ZSWIM6: variants seen among roughly 807,000 people sequenced by gnomAD.
The protein encoded by ZSWIM6 is zinc finger SWIM-type containing 6.
Under a neutral mutation model 113.2 loss-of-function variants are expected in ZSWIM6, and 9 were observed. The observed-to-expected ratio is 0.08, with a 90% CI of 0.05 to 0.14. ZSWIM6 has a LOEUF of 0.14. Ranked by LOEUF, ZSWIM6 falls within the 10% of genes least tolerant of loss-of-function variation. The probability of loss-of-function intolerance (pLI) is 1.00; values close to 1 mark genes in which losing one functional copy is unlikely to be tolerated. For missense variants in ZSWIM6, 1,162 were observed against 1,552.2 expected (o/e 0.75, Z 4.22); for synonymous variants, 611 against 606.5 (o/e 1.01, Z -0.11).
chr5:61,379,693 G>A (rs967413946), intron 1 of ZSWIM6, among the ~76,000 whole-genome samples: 22 of 152,240 alleles, frequency 1.4e-4, no homozygotes, highest in African/African-American at 5.3e-4. Flanking sequence ...TGCACTCACT[G>A]TTTATGGAGT....
intron 4 of ZSWIM6, among the ~76,000 whole-genome samples, chr5:61,508,128 G>A (rs769667936): frequency 3.3e-5 from 5 of 152,144 alleles, no homozygotes; most frequent in Non-Finnish European, 5.9e-5. Flanking sequence ...GTGAAAATAC[G>A]TGTAAAGCAT....
At chr5:61,441,541 A>G (rs1746834350) in intron 1 of ZSWIM6, among the ~76,000 whole-genome samples, 1 of 152,194 alleles carries the variant, frequency 6.6e-6, no homozygotes, top group Non-Finnish European at 1.5e-5. Flanking sequence ...ATAATGGTGG[A>G]CATAACCTTA....
At chr5:61,403,583 A>G (rs1163722023) in intron 1 of ZSWIM6, among the ~76,000 whole-genome samples, 4 of 152,220 alleles carry the variant, frequency 2.6e-5, no homozygotes, top group African/African-American at 7.2e-5. Flanking sequence ...GCCAGGGAAG[A>G]AGGAGCCTGG....
intron 2 of ZSWIM6, among the ~76,000 whole-genome samples, chr5:61,482,036 A>C (rs1295861425): frequency 6.6e-6 from 1 of 152,218 alleles, no homozygotes; most frequent in African/African-American, 2.4e-5. Flanking sequence ...AACGGTGGGA[A>C]TATCTAACAG....
At chr5:61,464,052 G>A (rs933976556) in intron 1 of ZSWIM6, among the ~76,000 whole-genome samples, 1 of 151,432 alleles carries the variant, frequency 6.6e-6, no homozygotes, top group African/African-American at 2.4e-5. Context: ...GGGTGCAGTG[G>A]TGCAATCTAG....
At chr5:61,351,436 A>C (rs1744780874) in intron 1 of ZSWIM6, among the ~76,000 whole-genome samples, 1 of 152,224 alleles carries the variant, frequency 6.6e-6, no homozygotes, top group Admixed American at 6.5e-5. Flanking sequence ...TGAATTCCTT[A>C]TGTCATATGA....
chr5:61,414,921 C>T (rs1469753753), intron 1 of ZSWIM6, among the ~76,000 whole-genome samples: 1 of 152,190 alleles, frequency 6.6e-6, no homozygotes, highest in East Asian at 1.9e-4. Context: ...ATCCCTTTCT[C>T]TGTGCTATTT....
intron 4 of ZSWIM6, among the ~76,000 whole-genome samples, chr5:61,497,620 T>C (rs1394014189): frequency 2.6e-5 from 4 of 152,192 alleles, no homozygotes; most frequent in Admixed American, 2.6e-4. Context: ...TACAGATACA[T>C]TTATCTTATA....
intron 1 of ZSWIM6, among the ~76,000 whole-genome samples, chr5:61,357,036 C>T (rs1202504540): frequency 6.6e-6 from 1 of 151,742 alleles, no homozygotes; most frequent in Non-Finnish European, 1.5e-5. Flanking sequence ...ATCATCATCA[C>T]CTCTTAATTT....
At chr5:61,442,458 A>G (rs558281283) in intron 1 of ZSWIM6, among the ~76,000 whole-genome samples, 5 of 152,264 alleles carry the variant, frequency 3.3e-5, no homozygotes, top group African/African-American at 4.8e-5. Flanking sequence ...TCAAAGTTTA[A>G]TCTAATACAT....
intron 1 of ZSWIM6, among the ~76,000 whole-genome samples, chr5:61,353,848 T>A (rs1373694895): frequency 6.6e-6 from 1 of 152,160 alleles, no homozygotes; most frequent in Admixed American, 6.5e-5. Flanking sequence ...CAGAAACAGA[T>A]GAGTATAACA....
chr5:61,510,552 T>C (rs1338837771), intron 4 of ZSWIM6, among the ~76,000 whole-genome samples: 1 of 152,054 alleles, frequency 6.6e-6, no homozygotes, highest in Non-Finnish European at 1.5e-5. Context: ...TGGTTTACTT[T>C]GCCTTATATG....
intron 1 of ZSWIM6, among the ~76,000 whole-genome samples, chr5:61,431,425 CT>C (rs1325930298): frequency 3.0e-5 from 4 of 135,508 alleles, no homozygotes; most frequent in Non-Finnish European, 6.3e-5. Flanking sequence ...AAATCGTGAT[CT>C]TTTTTTTCTT....
chr5:61,526,335 T>C lies in ZSWIM6; in HGVS notation c.1776T>C (p.Ile592=), dbSNP rs1485368701. The change falls in exon 7 of 14, where the codon ATT becomes ATC. Residue 592 remains isoleucine, a synonymous_variant. Coordinates refer to ENST00000252744, the MANE Select transcript of ZSWIM6 (RefSeq NM_020928.2). ...PREALRLAIA[I]VNTLRRQQQK... is the part of the protein sequence containing the mutation. ...AAGCACTGAGACTAGCAATAGCTAT[T>C]GTTAATACATTAAGACGACAGCAGC... The C allele has an allele frequency of 1.3e-6, 2 of 1,552,204 alleles. No individual in the cohort carries two copies. The highest frequency in any genetic ancestry group is 2.0e-5 in the Admixed American group (1 of 51,002).
chr5:61,465,807 T>G (rs1395633167), intron 1 of ZSWIM6, among the ~76,000 whole-genome samples: 2 of 152,242 alleles, frequency 1.3e-5, no homozygotes, highest in African/African-American at 4.8e-5. Flanking sequence ...GAGTTCTAAA[T>G]AGGCATTTTT....
chr5:61,506,451 C>T (rs910836305), intron 4 of ZSWIM6, among the ~76,000 whole-genome samples: 27 of 151,810 alleles, frequency 1.8e-4, no homozygotes, highest in African/African-American at 5.1e-4. Context: ...GATGTGGTGG[C>T]GCACACTTGT....
At position 61,486,111 on chromosome 5, in the gene ZSWIM6, CA is replaced by C. The variant is rs1306152516; in HGVS notation, c.1034-4674del. ...ACCCATTAAGTAATTTCTTGTCACC[CA>C]CCCTCCAACTCTTCCAAGTCTTCAT... On this transcript the variant is annotated intron_variant, in intron 2 of 13. Coordinates refer to ENST00000252744, the MANE Select transcript of ZSWIM6 (RefSeq NM_020928.2). Among the ~76,000 whole-genome samples the C allele has an allele frequency of 2.6e-5, 4 of 152,080 alleles. No individual in the cohort carries two copies. The East Asian group carries it at 7.7e-4, about 29-fold the overall frequency.
Position 61,418,479 on chromosome 5 carries a change from G to A in ZSWIM6, c.677-54202G>A, listed in dbSNP as rs546848142. Among the ~76,000 whole-genome samples, 592 of 152,068 alleles carry A rather than the reference G, an allele frequency of 3.9e-3. 1 individual carries two copies. Among genetic ancestry groups the A allele is most frequent in the Middle Eastern group, 0.024 (7 of 294 alleles). On this transcript the variant is annotated intron_variant, in intron 1 of 13. Coordinates refer to ENST00000252744, the MANE Select transcript of ZSWIM6 (RefSeq NM_020928.2). ...AAATTTTCAAGACCTGGTTGGTCTC[G>A]AACTCCTGACCTCAGTTGATCCACC...
intron 4 of ZSWIM6, among the ~76,000 whole-genome samples, chr5:61,512,527 A>C (rs1166432718): frequency 1.3e-5 from 2 of 152,138 alleles, no homozygotes; most frequent in African/African-American, 4.8e-5. Flanking sequence ...ATTTAACTTC[A>C]TGTGAAACCG....
Sources: gnomAD v4.1 joint callset for allele counts (sites outside exome capture counted in the v4.1 genomes callset) on GRCh38, gnomAD v4.1.1 for gene constraint, MANE v1.5 for transcripts, NCBI Gene and HGNC (gene_info 2026-07-23, HGNC 2026-07-21) for gene names.